Variants in LOC128125814 observed in about 807,000 individuals in gnomAD.
chr12:57,519,081 TTC>T, the LOC128125814 span: 20 of 529,884 alleles, frequency 3.8e-5, no homozygotes, highest in Admixed American at 5.8e-5. Flanking sequence ...TGCAGAAACT[TTC>T]TGACTGCAGA....
the LOC128125814 span, among the ~76,000 whole-genome samples, chr12:57,518,599 T>C: frequency 6.6e-6 from 1 of 152,212 alleles, no homozygotes; most frequent in Non-Finnish European, 1.5e-5. Flanking sequence ...GCTAAAAACC[T>C]TGGTATCATC....
chr12:57,518,206 C>G, the LOC128125814 span, among the ~76,000 whole-genome samples: 1 of 152,034 alleles, frequency 6.6e-6, no homozygotes, highest in Non-Finnish European at 1.5e-5. Context: ...GTAGCCATTT[C>G]GAAGGGCAGA....
At chr12:57,517,793 G>C in the LOC128125814 span, 1 of 429,088 alleles carries the variant, frequency 2.3e-6, no homozygotes, top group Non-Finnish European at 4.1e-6. Flanking sequence ...TTTTTGGAAG[G>C]GGGAGAGGCA....
chr12:57,519,012 A>G, the LOC128125814 span, among the ~76,000 whole-genome samples: 1 of 152,292 alleles, frequency 6.6e-6, no homozygotes, highest in Admixed American at 6.5e-5. Flanking sequence ...AGAAGAATCT[A>G]AACACTTCTA....
At chr12:57,519,303 G>C in the LOC128125814 span, 5 of 466,692 alleles carry the variant, frequency 1.1e-5, no homozygotes, top group Admixed American at 4.8e-5. Context: ...CCTCCATCCT[G>C]AACATTCTCC....
the LOC128125814 span, among the ~76,000 whole-genome samples, chr12:57,518,450 G>T: frequency 1.3e-5 from 2 of 152,164 alleles, no homozygotes; most frequent in Admixed American, 1.3e-4. Context: ...CAGAACTTCA[G>T]ACTCTGCTGT....
chr12:57,518,760 G>A, the LOC128125814 span, among the ~76,000 whole-genome samples: 1 of 152,182 alleles, frequency 6.6e-6, no homozygotes, highest in Non-Finnish European at 1.5e-5. Flanking sequence ...CTGGGTTCAA[G>A]CGATTCTCCT....
At chr12:57,519,413 T>C in the LOC128125814 span, among the ~76,000 whole-genome samples, 1 of 152,192 alleles carries the variant, frequency 6.6e-6, no homozygotes, top group African/African-American at 2.4e-5. Context: ...GGATGTACCC[T>C]GAGCCCCAAA....
the LOC128125814 span, among the ~76,000 whole-genome samples, chr12:57,519,861 AAC>A: frequency 1.3e-5 from 2 of 152,152 alleles, no homozygotes; most frequent in Non-Finnish European, 2.9e-5. Flanking sequence ...GCAAAAGGAA[AAC>A]ACACCACTCC....
chr12:57,519,142 A>G, the LOC128125814 span: 2 of 533,138 alleles, frequency 3.8e-6, no homozygotes, highest in Non-Finnish European at 7.7e-6. Context: ...TCTATTCACC[A>G]TACAGCAGCC....
At chr12:57,519,183 C>T in the LOC128125814 span, 2 of 533,466 alleles carry the variant, frequency 3.7e-6, no homozygotes, top group Admixed American at 1.9e-5. Flanking sequence ...GGTCATTCCT[C>T]TGCTCAAACC....
chr12:57,520,164 C>T, the LOC128125814 span, among the ~76,000 whole-genome samples: 1 of 152,240 alleles, frequency 6.6e-6, no homozygotes, highest in South Asian at 2.1e-4. Flanking sequence ...ATGAATTTCC[C>T]AAGGGCAACC....
the LOC128125814 span, among the ~76,000 whole-genome samples, chr12:57,518,072 C>T: frequency 1.3e-5 from 2 of 152,248 alleles, no homozygotes; most frequent in South Asian, 4.1e-4. Flanking sequence ...TGATCCATCG[C>T]TTCCCAAAGT....
At chr12:57,517,764 CAA>C in the LOC128125814 span, 1 of 429,862 alleles carries the variant, frequency 2.3e-6, no homozygotes, top group Non-Finnish European at 4.1e-6. Flanking sequence ...CTGTGGGCAA[CAA>C]AGAGAAATGT....
At chr12:57,518,561 A>G in the LOC128125814 span, among the ~76,000 whole-genome samples, 22 of 152,194 alleles carry the variant, frequency 1.4e-4, no homozygotes, top group African/African-American at 5.3e-4. Flanking sequence ...GGTCATCCCC[A>G]TCTCAGATGA....
the LOC128125814 span, among the ~76,000 whole-genome samples, chr12:57,518,938 G>A: frequency 6.6e-6 from 1 of 152,198 alleles, no homozygotes; most frequent in African/African-American, 2.4e-5. Context: ...GGGATTACAG[G>A]TGTGAGCCAC....
chr12:57,517,851 C>A, the LOC128125814 span: 1 of 435,812 alleles, frequency 2.3e-6, no homozygotes, highest in South Asian at 6.6e-5. Context: ...TTTTTGAGAC[C>A]AAGTCTTGCT....
At chr12:57,518,994 CT>C in the LOC128125814 span, among the ~76,000 whole-genome samples, 1 of 152,152 alleles carries the variant, frequency 6.6e-6, no homozygotes. Context: ...TTTTTAAAAC[CT>C]TTGCTTAGAA....
At chr12:57,518,993 C>A in the LOC128125814 span, among the ~76,000 whole-genome samples, 1 of 152,148 alleles carries the variant, frequency 6.6e-6, no homozygotes, top group East Asian at 1.9e-4. Flanking sequence ...GTTTTTAAAA[C>A]CTTTGCTTAG....
Sources: allele counts gnomAD v4.1 joint callset (sites outside exome capture counted in the v4.1 genomes callset), GRCh38; gene constraint gnomAD v4.1.1; transcripts MANE v1.5.